Variants in RERE observed in about 807,000 individuals in gnomAD.
RERE encodes the protein arginine-glutamic acid dipeptide repeats protein.
Under a neutral mutation model 146.1 loss-of-function variants are expected in RERE, and 40 were observed. That is an observed-to-expected ratio of 0.27 (90% CI 0.21 to 0.36). The LOEUF (loss-of-function observed/expected upper bound fraction) is 0.36. Ranked by LOEUF, RERE falls within the 10% of genes least tolerant of loss-of-function variation. RERE has a pLI of 1.00. For missense variants in RERE, 1,933 were observed against 2,138.7 expected (o/e 0.90, Z 1.90); for synonymous variants, 1,003 against 866.0 (o/e 1.16, Z -2.78).
intron 1 of RERE, among the ~76,000 whole-genome samples, chr1:8,686,938 G>C (rs1351586501): frequency 2.0e-5 from 3 of 152,142 alleles, no homozygotes; most frequent in Admixed American, 1.3e-4. Context: ...TCAGTGCAGA[G>C]GCCTTAGTGA....
chr1:8,564,661 G>A (rs1646120779), intron 4 of RERE, among the ~76,000 whole-genome samples: 1 of 151,656 alleles, frequency 6.6e-6, no homozygotes, highest in Admixed American at 6.6e-5. Context: ...TCCCACTTCT[G>A]TGAATTTACC....
chr1:8,496,533 C>G (rs981730308), intron 9 of RERE, among the ~76,000 whole-genome samples: 1 of 151,958 alleles, frequency 6.6e-6, no homozygotes, highest in African/African-American at 2.4e-5. Context: ...AAAAAGAAAC[C>G]CACAAACCCA....
chr1:8,699,959 T>C (rs1333259935), intron 1 of RERE, among the ~76,000 whole-genome samples: 1 of 152,180 alleles, frequency 6.6e-6, no homozygotes, highest in African/African-American at 2.4e-5. Flanking sequence ...TCAGCTTTAG[T>C]CATAAACAGA....
chr1:8,777,191 G>A (rs1010760786), intron 1 of RERE, among the ~76,000 whole-genome samples: 3 of 152,212 alleles, frequency 2.0e-5, no homozygotes, highest in South Asian at 2.1e-4. Flanking sequence ...ACATTTACAC[G>A]GCAACCTACT....
At chr1:8,673,316 G>A (rs539156867) in intron 1 of RERE, among the ~76,000 whole-genome samples, 8 of 152,174 alleles carry the variant, frequency 5.3e-5, no homozygotes, top group Non-Finnish European at 1.0e-4. Flanking sequence ...GGCTGGTCTC[G>A]AACTCCTGAC....
intron 12 of RERE, 23 bp from the exon 13 acceptor site, chr1:8,365,997 G>A (rs200322197): frequency 1.2e-6 from 2 of 1,610,140 alleles, no homozygotes; most frequent in Admixed American, 1.7e-5. Flanking sequence ...AGGGCTGACT[G>A]TGGGGGAGGG....
At chr1:8,489,414 T>C (rs919113999) in intron 10 of RERE, among the ~76,000 whole-genome samples, 3 of 151,606 alleles carry the variant, frequency 2.0e-5, no homozygotes, top group Admixed American at 2.0e-4. Flanking sequence ...AGTCATGGTA[T>C]GGGACAAATA....
chr1:8,762,284 G>A (rs756627774), intron 1 of RERE, among the ~76,000 whole-genome samples: 3 of 152,142 alleles, frequency 2.0e-5, no homozygotes, highest in Non-Finnish European at 4.4e-5. Flanking sequence ...AAGCGCCTTA[G>A]GAGAAGGTTC....
intron 1 of RERE, among the ~76,000 whole-genome samples, chr1:8,780,947 C>G (rs183514955): frequency 6.6e-6 from 1 of 151,976 alleles, no homozygotes; most frequent in Non-Finnish European, 1.5e-5. Context: ...TGAGGCCAGG[C>G]GCGGTAGCTC....
At chr1:8,520,758 A>AC (rs1645484838) in intron 7 of RERE, among the ~76,000 whole-genome samples, 2 of 149,114 alleles carry the variant, frequency 1.3e-5, no homozygotes, top group Non-Finnish European at 3.0e-5. Flanking sequence ...ACTTTTTAAA[A>AC]AAAAAAAAAA....
chr1:8,785,138 CACT>C (rs1293527600), intron 1 of RERE, among the ~76,000 whole-genome samples: 1 of 152,162 alleles, frequency 6.6e-6, no homozygotes, highest in Non-Finnish European at 1.5e-5. Flanking sequence ...CAAAATACAA[CACT>C]GTTTTAAAGA....
rs754170843 is a variant in RERE at position 8,361,905 on chromosome 1, T to G, written c.1903-29A>C. ...CAGGGGAAAAGCCCACAAGGAGCAA[T>G]CAGGCCAAGGGAGACCATCCCATCA... On this transcript the variant is annotated intron_variant, in intron 16 of 22. Coordinates refer to ENST00000400908, the MANE Select transcript of RERE (RefSeq NM_001042681.2). The G allele has an allele frequency of 5.2e-6, 8 of 1,525,600 alleles. No homozygotes were observed. The East Asian group carries it at 1.8e-4, about 34-fold the overall frequency. The allele number at this position is 1,525,600 out of a possible 1,614,324, so 94.5% of individuals were successfully genotyped here. A position where few individuals can be genotyped will look rare whatever the true frequency, so the allele number is the denominator to read the frequency against.
chr1:8,747,252 C>T (rs1013528946), intron 1 of RERE, among the ~76,000 whole-genome samples: 3 of 152,072 alleles, frequency 2.0e-5, no homozygotes, highest in Non-Finnish European at 4.4e-5. Context: ...CTGACCACCT[C>T]GGCCTCCCAA....
chr1:8,592,632 A>G (rs1294815294), intron 4 of RERE, among the ~76,000 whole-genome samples: 1 of 152,030 alleles, frequency 6.6e-6, no homozygotes, highest in Non-Finnish European at 1.5e-5. Context: ...CAGTAATTCC[A>G]GCACTTTGGG....
rs377000011 is a variant in RERE, at chr1:8,356,212, G to T, written c.4374C>A (p.Pro1458=). 9.8e-6 allele frequency: 15 copies of T among 1,524,714 alleles called. No homozygotes were observed. The African/African-American group carries it at 2.0e-4, about 21-fold the overall frequency. 94.4% of individuals were successfully genotyped at this position (1,524,714 alleles called of 1,614,324 possible). ...GAGCCAGGTGGGGACCGGCAGTCAG[G>T]GGGTCGACCAGCGGGTGAACGGGGC... The part of the protein sequence containing the change: ...SAGPVHPLVD[P]LTAGPHLARF... Residue 1458 remains proline, a synonymous_variant, in exon 21 of 23, where the codon CCC becomes CCA. Transcript: ENST00000400908. The surrounding 1 kb of genome is among the most constrained non-coding windows in gnomAD (Gnocchi z 5.2).
At chr1:8,810,876 G>A (rs1641793551) in intron 1 of RERE, among the ~76,000 whole-genome samples, 1 of 151,960 alleles carries the variant, frequency 6.6e-6, no homozygotes, top group South Asian at 2.1e-4. Context: ...ATACAGTTCG[G>A]GAAACACTGA....
intron 1 of RERE, among the ~76,000 whole-genome samples, chr1:8,770,324 T>A (rs188733565): frequency 5.9e-5 from 9 of 152,254 alleles, no homozygotes; most frequent in East Asian, 5.8e-4. Context: ...AATTTTTTTT[T>A]AAAAGGATGA....
chr1:8,661,877 T>A (rs1313915937), intron 1 of RERE, among the ~76,000 whole-genome samples: 1 of 152,194 alleles, frequency 6.6e-6, no homozygotes, highest in Non-Finnish European at 1.5e-5. Context: ...ACCCAGGAAG[T>A]GAGTACAACT....
chr1:8,680,530 C>T (rs1306017368), intron 1 of RERE, among the ~76,000 whole-genome samples: 1 of 152,000 alleles, frequency 6.6e-6, no homozygotes, highest in Non-Finnish European at 1.5e-5. Context: ...AATTCAAGAA[C>T]AAGGACGTAA....
Sources: gnomAD v4.1 joint callset for allele counts (sites outside exome capture counted in the v4.1 genomes callset) on GRCh38, gnomAD v4.1.1 for gene constraint, Gnocchi (gnomAD v3.1) non-coding constraint, MANE v1.5 for transcripts, NCBI Gene and HGNC (gene_info 2026-07-23, HGNC 2026-07-21) for gene names.